Variants in CFAP92 observed in about 807,000 individuals in gnomAD.
The protein encoded by CFAP92 is cilia and flagella associated protein 92 (putative).
In CFAP92, 86 loss-of-function variants were observed where a neutral mutation model predicts 106.3. The ratio of observed to expected loss-of-function variants is 0.81; its 90% CI spans 0.68 to 0.97. The LOEUF (loss-of-function observed/expected upper bound fraction) is 0.97, where lower values mean the gene tolerates loss of function less well. Among genes scored for constraint, CFAP92 ranks in the 50% least tolerant of loss-of-function variants. The pLI is 0.00. For missense variants in CFAP92, 1,204 were observed against 1,283.8 expected (o/e 0.94, Z 0.95); for synonymous variants, 477 against 506.4 (o/e 0.94, Z 0.78).
chr3:128,947,200 A>C (rs1450717158), intron 9 of CFAP92, among the ~76,000 whole-genome samples: 1 of 151,968 alleles, frequency 6.6e-6, no homozygotes, highest in Non-Finnish European at 1.5e-5. Context: ...AAATGTAAAT[A>C]GGGGGTCCTG....
intron 12 of CFAP92, among the ~76,000 whole-genome samples, chr3:128,922,269 G>A (rs1937353737): frequency 6.6e-6 from 1 of 152,078 alleles, no homozygotes; most frequent in Non-Finnish European, 1.5e-5. Context: ...AGTGAACCCA[G>A]GAGGTGGAGC....
intron 8 of CFAP92, chr3:128,966,568 CTTT>C (rs1197235481): frequency 3.2e-5 from 4 of 126,666 alleles, no homozygotes; most frequent in Non-Finnish European, 6.8e-5. Flanking sequence ...AATGCTTTTT[CTTT>C]TTTTTTTTTT....
At position 128,909,909 on chromosome 3, in the gene CFAP92, C is replaced by T; in HGVS notation, c.*390G>A. 1 of 1,481,804 alleles carries T rather than the reference C, an allele frequency of 6.7e-7. No individual in the cohort carries two copies. Among genetic ancestry groups the T allele is most frequent in the South Asian group, 1.2e-5 (1 of 83,100 alleles). 91.8% of individuals were successfully genotyped at this position (1,481,804 alleles called of 1,614,324 possible). A position where few individuals can be genotyped will look rare whatever the true frequency, so the allele number is the denominator to read the frequency against. ...GAAGAGAAAGGTGTTATTGACTCCA[C>T]TTTCTCAAGGAACACAGGAGACTAA... On this transcript the variant is annotated 3_prime_UTR_variant, in exon 16 of 16. Coordinates refer to ENST00000645291, the MANE Select transcript of CFAP92 (RefSeq NM_001394090.1).
At chr3:129,003,968 G>T, upstream of CFAP92, 1 of 1,457,526 alleles carries the variant, frequency 6.9e-7, no homozygotes, top group Non-Finnish European at 9.0e-7. Context: ...GGCCCGGCAG[G>T]TGGTGCTGCG....
intron 10 of CFAP92, among the ~76,000 whole-genome samples, chr3:128,939,310 T>C (rs1939385388): frequency 6.6e-6 from 1 of 152,132 alleles, no homozygotes; most frequent in African/African-American, 2.4e-5. Flanking sequence ...GGCTAACTTT[T>C]GTATTTTTAG....
chr3:128,969,374 C>T (rs939882435), intron 8 of CFAP92: 1 of 152,176 alleles, frequency 6.6e-6, no homozygotes, highest in Non-Finnish European at 1.5e-5. Context: ...GAGTTCAAGA[C>T]CAGCCTGGCC....
chr3:128,963,859 C>T (rs982769425), intron 9 of CFAP92, among the ~76,000 whole-genome samples: 5 of 151,244 alleles, frequency 3.3e-5, no homozygotes, highest in African/African-American at 1.2e-4. Flanking sequence ...AGGCCCCCTC[C>T]CTTCCCTACA....
At chr3:128,959,653 G>C (rs1476538005) in intron 9 of CFAP92, among the ~76,000 whole-genome samples, 5 of 152,226 alleles carry the variant, frequency 3.3e-5, no homozygotes, top group African/African-American at 1.2e-4. Flanking sequence ...AACTGCCACA[G>C]GAAGAGGGAA....
chr3:128,988,643 G>T, intron 3 of CFAP92, 85 bp downstream of exon 3: 2 of 1,362,790 alleles, frequency 1.5e-6, no homozygotes, highest in African/African-American at 1.4e-5. Context: ...TGGAGGTGGA[G>T]CTGATGTTGC....
At chr3:128,989,367 G>A (rs1249610598) in intron 2 of CFAP92, among the ~76,000 whole-genome samples, 4 of 138,332 alleles carry the variant, frequency 2.9e-5, no homozygotes, top group South Asian at 5.2e-4. Flanking sequence ...TGTGAAGAAC[G>A]AAGGTGGAGG....
In CFAP92 at chr3:128,915,503, C is replaced by T; in HGVS notation, c.2977G>A (p.Asp993Asn). 6.5e-7 allele frequency: 1 copy of T among 1,535,948 alleles called. No homozygotes were observed. The change falls in exon 14 of 16, where the codon GAC becomes AAC. Residue 993 changes from aspartate (D) to asparagine (N), a missense_variant. Coordinates refer to ENST00000645291, the MANE Select transcript of CFAP92 (RefSeq NM_001394090.1). Reference sequence around the variant, plus strand: ...GCTTTCTTCTCCTCTTCCTTCAAGTCCAGGGGCTCCACCATGGCTGAGAGG... The same window carrying T: ...GCTTTCTTCTCCTCTTCCTTCAAGTTCAGGGGCTCCACCATGGCTGAGAGG... Reference protein sequence around the residue: ...DYLSAMVEPLDLKEEEKKAQK... With the variant: ...DYLSAMVEPLNLKEEEKKAQK...
intron 10 of CFAP92, among the ~76,000 whole-genome samples, chr3:128,943,398 G>A (rs1050927806): frequency 1.3e-5 from 2 of 152,020 alleles, no homozygotes; most frequent in Non-Finnish European, 2.9e-5. Flanking sequence ...GGCAACCACC[G>A]GCCTACCTAT....
At chr3:129,001,104 A>G (rs1037929171) in intron 1 of CFAP92, among the ~76,000 whole-genome samples, 2 of 152,168 alleles carry the variant, frequency 1.3e-5, no homozygotes, top group African/African-American at 4.8e-5. Context: ...GCCTTCCGGG[A>G]AGAGGGGGAA....
chr3:129,002,018 C>A, intron 1 of CFAP92: 1 of 1,545,596 alleles, frequency 6.5e-7, no homozygotes. Flanking sequence ...AAGAGGCGCG[C>A]CTGGCGCTGC....
Position 128,909,900 on chromosome 3 carries a change from T to C in CFAP92, c.*399A>G. ...CCACAACCTGAAGAGAAAGGTGTTA[T>C]TGACTCCACTTTCTCAAGGAACACA... On this transcript the variant is annotated 3_prime_UTR_variant, in exon 16 of 16. Transcript: ENST00000645291. 7 of 1,382,516 alleles carry C rather than the reference T, an allele frequency of 5.1e-6. No individual in the cohort carries two copies. Among genetic ancestry groups the C allele is most frequent in the East Asian group, 2.4e-5 (1 of 42,088 alleles). 85.6% of individuals were successfully genotyped at this position (1,382,516 alleles called of 1,614,324 possible).
chr3:129,005,247 C>G (rs928174800), upstream of CFAP92, among the ~76,000 whole-genome samples: 1 of 152,242 alleles, frequency 6.6e-6, no homozygotes. Context: ...GTGGGGGACA[C>G]TCATCAGCCT....
chr3:129,001,587 G>C (rs1944750562), intron 1 of CFAP92: 1 of 1,351,164 alleles, frequency 7.4e-7, no homozygotes, highest in Non-Finnish European at 9.5e-7. Context: ...GGGGCGAAGG[G>C]ACCGGAGGAG....
At position 128,945,782 on chromosome 3, in the gene CFAP92, C is replaced by T. The variant is rs186697977; in HGVS notation, c.1547G>A (p.Arg516His). 1.2e-4 allele frequency: 184 copies of T among 1,529,210 alleles called. 2 individuals are homozygous for T. In the African/African-American group the frequency reaches 2.1e-3, roughly 17 times the overall value. The allele number at this position is 1,529,210 out of a possible 1,614,324, so 94.7% of individuals were successfully genotyped here. ...CTTCTGAGAACACTCCTCTGACTTG[C>T]GGTCCCGGTCGTGAACTTCCACCAC... ...PMVVEVHDRD[R>H]KSEECSQKPV... is the part of the protein sequence containing the mutation. Residue 516 changes from arginine (R) to histidine (H), a missense_variant, in exon 10 of 16, where the codon CGC becomes CAC. Arg to His is a conservative substitution (Grantham distance 29). Transcript: ENST00000645291.
In CFAP92 at chr3:128,963,341, T is replaced by C. The variant is rs1942099453; in HGVS notation, c.1353+2170A>G. ...ACTGTTTTAGCCTAGCCCTCATGTC[T>C]GCGTGCAGCGGCTGCCGCTGCTTTA... is the stretch of plus-strand genomic sequence containing the variant. On this transcript the variant is annotated intron_variant, in intron 9 of 15. Transcript: ENST00000645291. 3.3e-5 allele frequency among the ~76,000 whole-genome samples: 5 copies of C among 152,234 alleles called. No homozygotes were observed. In the South Asian group the frequency reaches 8.3e-4, roughly 25 times the overall value.
Sources: allele counts gnomAD v4.1 joint callset (sites outside exome capture counted in the v4.1 genomes callset), GRCh38; gene constraint gnomAD v4.1.1; transcripts MANE v1.5; gene names NCBI Gene and HGNC (gene_info 2026-07-23, HGNC 2026-07-21).